The following CPLANE1 variants were observed in gnomAD, a reference collection of about 807,000 sequenced individuals.
CPLANE1 encodes ciliogenesis and planar polarity effector complex subunit 1.
In CPLANE1, 263 loss-of-function variants were observed where a neutral mutation model predicts 362.5. That is an observed-to-expected ratio of 0.73 (90% CI 0.66 to 0.80). The LOEUF (loss-of-function observed/expected upper bound fraction) is 0.80. Among genes scored for constraint, CPLANE1 ranks in the 30% least tolerant of loss-of-function variants. The probability of loss-of-function intolerance (pLI) is 0.00; values close to 1 mark genes in which losing one functional copy is unlikely to be tolerated. For missense variants in CPLANE1, 3,461 were observed against 3,793.4 expected (o/e 0.91, Z 2.30); for synonymous variants, 1,212 against 1,302.6 (o/e 0.93, Z 1.50).
At chr5:37,104,367 G>A (rs1757443632), downstream of CPLANE1, among the ~76,000 whole-genome samples, 1 of 152,104 alleles carries the variant, frequency 6.6e-6, no homozygotes, top group South Asian at 2.1e-4. Flanking sequence ...GGAGGTCTAA[G>A]TGGGCAGATC....
At chr5:37,102,075 T>C (rs1488762506), downstream of CPLANE1, among the ~76,000 whole-genome samples, 1 of 152,128 alleles carries the variant, frequency 6.6e-6, no homozygotes, top group Non-Finnish European at 1.5e-5. Flanking sequence ...GGTTTTTTCA[T>C]GTCTGTATTT....
At chr5:37,117,199 C>G (rs976311901) in intron 50 of CPLANE1, among the ~76,000 whole-genome samples, 3 of 151,854 alleles carry the variant, frequency 2.0e-5, no homozygotes, top group African/African-American at 7.3e-5. Context: ...GCTCAATAAC[C>G]ATTTTTTCCA....
At chr5:37,099,214 G>A in the CPLANE1 span, among the ~76,000 whole-genome samples, 1 of 152,112 alleles carries the variant, frequency 6.6e-6, no homozygotes. Flanking sequence ...GTGGTTTGCT[G>A]CACAGATCAT....
intron 43 of CPLANE1, among the ~76,000 whole-genome samples, chr5:37,142,957 A>G (rs896103452): frequency 6.6e-6 from 1 of 152,200 alleles, no homozygotes; most frequent in South Asian, 2.1e-4. Context: ...CTTTGTCCAT[A>G]AAATAGGAAA....
rs370896757 is a variant in CPLANE1 at position 37,187,718 on chromosome 5, T to G, written c.3921+15A>C. ...AACGTGTGTTCATTTTTCTTATTTT[T>G]GCCCTGGTAAATACCTTTTCTCCTT... On this transcript the variant is annotated intron_variant, in intron 22 of 52. Transcript: ENST00000651892. 16 of 1,601,846 alleles carry G rather than the reference T, an allele frequency of 1.0e-5. No homozygotes were observed. The highest frequency in any genetic ancestry group is 1.4e-5 in the Non-Finnish European group (16 of 1,171,870).
At chr5:37,210,775 G>T in intron 16 of CPLANE1, 1 of 1,348,372 alleles carries the variant, frequency 7.4e-7, no homozygotes, top group South Asian at 1.2e-5. Context: ...CTCCTAAACC[G>T]CCTAGCTCAG....
intron 16 of CPLANE1, chr5:37,211,310 C>T: frequency 6.6e-7 from 1 of 1,514,612 alleles, no homozygotes; most frequent in Non-Finnish European, 8.9e-7. Flanking sequence ...AAAAGGCTTT[C>T]AGAAGTTACC....
intron 47 of CPLANE1, 85 bp from the exon 48 acceptor site, chr5:37,122,573 G>A: frequency 9.9e-7 from 1 of 1,012,282 alleles, no homozygotes. Context: ...TTAGGAAACA[G>A]TACAAAACAC....
chr5:37,170,139 G>A lies in CPLANE1; in HGVS notation c.6364C>T (p.Gln2122Ter), dbSNP rs759347586. ...NLKERFFIKP[Q>*]SMGENAREPR... The stretch of plus-strand genomic sequence containing the variant: ...TCTCTGGCGTTCTCTCCCATTGACT[G>A]TGGTTTAATAAAAAATCTCTCCTTA... Residue 2122 changes from glutamine to a stop codon, truncating the protein, a stop_gained, in exon 33 of 53, where the codon CAG (glutamine) becomes TAG (stop). Coordinates refer to ENST00000651892, the MANE Select transcript of CPLANE1 (RefSeq NM_001384732.1). LOFTEE classifies it high-confidence loss of function. The A allele has an allele frequency of 6.2e-7, 1 of 1,614,066 alleles. No individual in the cohort carries two copies. Among genetic ancestry groups the A allele is most frequent in the African/African-American group, 1.3e-5 (1 of 74,934 alleles).
intron 32 of CPLANE1, among the ~76,000 whole-genome samples, chr5:37,172,367 G>A (rs1431778640): frequency 1.3e-5 from 2 of 152,092 alleles, no homozygotes; most frequent in Non-Finnish European, 2.9e-5. Flanking sequence ...ATTCAAGAGG[G>A]CATAGTAAAA....
intron 26 of CPLANE1, among the ~76,000 whole-genome samples, chr5:37,181,549 T>C (rs1248858040): frequency 6.6e-6 from 1 of 152,184 alleles, no homozygotes; most frequent in Non-Finnish European, 1.5e-5. Context: ...GTGTGGTGGC[T>C]CCCACCTGTA....
At chr5:37,236,539 C>T (rs1799029458) in intron 8 of CPLANE1, among the ~76,000 whole-genome samples, 1 of 151,992 alleles carries the variant, frequency 6.6e-6, no homozygotes, top group Non-Finnish European at 1.5e-5. Context: ...TGACCACATC[C>T]TCAAAAGCAA....
intron 46 of CPLANE1, among the ~76,000 whole-genome samples, chr5:37,127,536 G>C (rs551592370): frequency 7.6e-6 from 1 of 131,438 alleles, no homozygotes; most frequent in African/African-American, 2.9e-5. Context: ...TTTTTTTTTG[G>C]AGATGGAGTT....
intron 7 of CPLANE1, among the ~76,000 whole-genome samples, chr5:37,239,303 G>T (rs1332935984): frequency 6.6e-6 from 1 of 152,068 alleles, no homozygotes; most frequent in African/African-American, 2.4e-5. Flanking sequence ...AAAGCAGGCT[G>T]GGCACAGTGG....
chr5:37,138,584 A>G (rs937094121), intron 46 of CPLANE1, 136 bp downstream of exon 46: 9 of 951,926 alleles, frequency 9.5e-6, no homozygotes, highest in African/African-American at 1.7e-5. Flanking sequence ...ACATATACAT[A>G]ACAAAACATG....
At chr5:37,174,280 G>A (rs1780572707) in intron 31 of CPLANE1, among the ~76,000 whole-genome samples, 2 of 152,176 alleles carry the variant, frequency 1.3e-5, no homozygotes, top group Non-Finnish European at 2.9e-5. Context: ...GAATCATTCT[G>A]ATTAGCTGTA....
chr5:37,148,332 G>C (rs780516678), intron 42 of CPLANE1, 64 bp from the exon 43 acceptor site: 34 of 1,218,472 alleles, frequency 2.8e-5, no homozygotes, highest in Non-Finnish European at 3.5e-5. Flanking sequence ...ATAACAAACA[G>C]TTTTATGTAA....
In CPLANE1 at chr5:37,170,275, AT is replaced by A; in HGVS notation, c.6227del (p.Asn2076IlefsTer17). 6.2e-7 allele frequency: 1 copy of A among 1,614,192 alleles called. No homozygotes were observed. Among genetic ancestry groups the A allele is most frequent in the Non-Finnish European group, 8.5e-7 (1 of 1,180,040 alleles). On this transcript the variant is annotated frameshift_variant, in exon 33 of 53. Coordinates refer to ENST00000651892, the MANE Select transcript of CPLANE1 (RefSeq NM_001384732.1). LOFTEE classifies it high-confidence loss of function. ...GTACAAGTTGTTGTGTATCTGGGAG[AT>A]TAGCAAAGGATGATCCTACTATTTG... Reference protein sequence around the residue: ...LMQIVGSSFANLPDTQQLVQQ... With the variant: ...LMQIVGSSFAXLPDTQQLVQQ...
At chr5:37,239,601 C>A (rs1279278069) in intron 7 of CPLANE1, 112 bp downstream of exon 7, 235 of 495,926 alleles carry the variant, frequency 4.7e-4, no homozygotes, top group Non-Finnish European at 5.3e-4. Context: ...AAAAAAAAAA[C>A]CAGAAAGAAA....
Sources: allele counts gnomAD v4.1 joint callset (sites outside exome capture counted in the v4.1 genomes callset), GRCh38; gene constraint gnomAD v4.1.1; transcripts MANE v1.5; gene names NCBI Gene and HGNC (gene_info 2026-07-23, HGNC 2026-07-21).